The following IMPG1 variants were observed in gnomAD, a reference collection of about 807,000 sequenced individuals.
IMPG1 encodes the protein interphotoreceptor matrix proteoglycan of 150 kDa.
In IMPG1, 85 loss-of-function variants were observed where a neutral mutation model predicts 92.0. That is an observed-to-expected ratio of 0.92 (90% CI 0.78 to 1.11). The LOEUF is 1.11. IMPG1 is among the 50% of genes least tolerant of loss of function. The pLI, the probability that IMPG1 is intolerant of heterozygous loss-of-function variation, is 0.00. For missense variants in IMPG1, 1,022 were observed against 956.0 expected, an observed-to-expected ratio of 1.07 and a Z score of -0.91; for synonymous variants, 367 against 334.1, an observed-to-expected ratio of 1.10 and a Z score of -1.08.
rs1275466811 is a variant in IMPG1, at chr6:75,974,371, C to CT, written c.1292-23278dup. On this transcript the variant is annotated intron_variant, in intron 12 of 16. Transcript: ENST00000369950. ...TCTTTCTTTCTTTCTTTCTTTCTTT[C>CT]TTTCTTTCTTTCTTTCTTTCTTTTC... Among the ~76,000 whole-genome samples, 562 of 89,244 alleles carry CT rather than the reference C, an allele frequency of 6.3e-3. 11 individuals carry two copies. The highest frequency in any genetic ancestry group is 0.022 in the East Asian group (55 of 2,490). 58.5% of individuals were successfully genotyped at this position (89,244 alleles called of 152,430 possible).
intron 1 of IMPG1, among the ~76,000 whole-genome samples, chr6:76,067,894 A>G (rs1000193875): frequency 7.2e-5 from 11 of 152,220 alleles, no homozygotes; most frequent in African/African-American, 2.7e-4. Flanking sequence ...TATACAAATC[A>G]ATAAATGTGA....
intron 1 of IMPG1, among the ~76,000 whole-genome samples, chr6:76,063,891 C>T (rs1784254602): frequency 6.6e-6 from 1 of 152,188 alleles, no homozygotes; most frequent in Non-Finnish European, 1.5e-5. Context: ...TGTGTGCTTT[C>T]TGGTGCTCAA....
intron 14 of IMPG1, among the ~76,000 whole-genome samples, chr6:75,932,159 C>A (rs1017969150): frequency 6.6e-6 from 1 of 152,232 alleles, no homozygotes; most frequent in African/African-American, 2.4e-5. Flanking sequence ...GGGGAAAATG[C>A]GTACAGATAA....
At chr6:75,980,987 C>A (rs1406196031) in intron 12 of IMPG1, among the ~76,000 whole-genome samples, 1 of 152,106 alleles carries the variant, frequency 6.6e-6, no homozygotes, top group East Asian at 1.9e-4. Flanking sequence ...CTGGGGGATT[C>A]TGATTCATGG....
At chr6:75,995,693 A>C (rs1782887064) in intron 12 of IMPG1, among the ~76,000 whole-genome samples, 1 of 152,228 alleles carries the variant, frequency 6.6e-6, no homozygotes, top group Non-Finnish European at 1.5e-5. Flanking sequence ...TTCTCTATGC[A>C]TATATATTCC....
At chr6:75,932,813 G>T (rs1781686659) in intron 14 of IMPG1, among the ~76,000 whole-genome samples, 1 of 151,824 alleles carries the variant, frequency 6.6e-6, no homozygotes, top group Non-Finnish European at 1.5e-5. Context: ...CGATTCTCCT[G>T]CCTCAGCCTC....
At chr6:75,941,013 C>A (rs1468194973) in intron 14 of IMPG1, among the ~76,000 whole-genome samples, 1 of 152,194 alleles carries the variant, frequency 6.6e-6, no homozygotes, top group Non-Finnish European at 1.5e-5. Flanking sequence ...CATAAGATTT[C>A]TTTCTGCTGA....
At chr6:76,017,972 C>T (rs111768329) in intron 7 of IMPG1, among the ~76,000 whole-genome samples, 4 of 152,022 alleles carry the variant, frequency 2.6e-5, no homozygotes, top group Non-Finnish European at 5.9e-5. Flanking sequence ...AGGCTGGTAT[C>T]GAATTCCTGA....
At chr6:75,971,527 T>C (rs771855480) in intron 12 of IMPG1, among the ~76,000 whole-genome samples, 1 of 152,208 alleles carries the variant, frequency 6.6e-6, no homozygotes, top group Non-Finnish European at 1.5e-5. Context: ...GAAATGACAG[T>C]TAACTCTTAG....
At position 76,035,623 on chromosome 6, in the gene IMPG1, C is replaced by T. The variant is rs537568430; in HGVS notation, c.302-836G>A. On this transcript the variant is annotated intron_variant, in intron 2 of 16. Coordinates refer to ENST00000369950, the MANE Select transcript of IMPG1 (RefSeq NM_001563.4). ...CCCCTGGCTGTCCTTGAAGACTTTCCAAGTGATGAGCAGGCACACAATATT... is the reference window on the plus strand; with the variant it reads ...CCCCTGGCTGTCCTTGAAGACTTTCTAAGTGATGAGCAGGCACACAATATT... 2.5e-4 allele frequency among the ~76,000 whole-genome samples: 38 copies of T among 151,918 alleles called. 1 individual carries two copies. In the East Asian group the frequency reaches 6.0e-3, roughly 24 times the overall value.
intron 4 of IMPG1, among the ~76,000 whole-genome samples, chr6:76,033,258 C>G (rs1783681886): frequency 6.6e-6 from 1 of 152,196 alleles, no homozygotes; most frequent in Non-Finnish European, 1.5e-5. Context: ...TGCCAGCATT[C>G]TCTTCTCTCT....
At chr6:75,935,014 C>A (rs1264849436) in intron 14 of IMPG1, 1 of 470,872 alleles carries the variant, frequency 2.1e-6, no homozygotes, top group East Asian at 6.9e-5. Flanking sequence ...CAGGCTTCAC[C>A]TGGGCTGGCT....
intron 12 of IMPG1, among the ~76,000 whole-genome samples, chr6:75,979,977 G>A (rs764614901): frequency 3.9e-5 from 6 of 152,188 alleles, no homozygotes; most frequent in Non-Finnish European, 5.9e-5. Flanking sequence ...TTGAAAAAAG[G>A]ATGAGAAATG....
chr6:76,027,894 T>C (rs2149485780), intron 4 of IMPG1, among the ~76,000 whole-genome samples: 2 of 152,350 alleles, frequency 1.3e-5, no homozygotes, highest in South Asian at 2.1e-4. Context: ...TTTAAAAGGC[T>C]TCTCAAAATC....
chr6:75,944,355 T>G (rs1457324774), intron 14 of IMPG1, among the ~76,000 whole-genome samples: 4 of 152,228 alleles, frequency 2.6e-5, no homozygotes, highest in Non-Finnish European at 5.9e-5. Flanking sequence ...TTAGGAACCA[T>G]GCTGGATATT....
chr6:76,026,681 A>G (rs1230625430), intron 4 of IMPG1, among the ~76,000 whole-genome samples: 1 of 152,354 alleles, frequency 6.6e-6, no homozygotes, highest in East Asian at 1.9e-4. Flanking sequence ...CATAAGAGTA[A>G]GAGGTTCTTC....
At chr6:75,953,328 T>C (rs1782065873) in intron 12 of IMPG1, among the ~76,000 whole-genome samples, 1 of 152,318 alleles carries the variant, frequency 6.6e-6, no homozygotes, top group Non-Finnish European at 1.5e-5. Flanking sequence ...GTAGGTGTGT[T>C]ACACAGGTAT....
At chr6:75,976,914 A>C (rs1782546225) in intron 12 of IMPG1, among the ~76,000 whole-genome samples, 1 of 152,040 alleles carries the variant, frequency 6.6e-6, no homozygotes. Flanking sequence ...CGTCTTAAAA[A>C]AAAAAAAAAA....
chr6:76,022,990 G>A lies in IMPG1; in HGVS notation c.563-771C>T, dbSNP rs149009502. ...TAGAAAACAAGATATACTGAAAAAT[G>A]ATTCAATCTTTCCTTACTCCCTGAA... On this transcript the variant is annotated intron_variant, in intron 5 of 16. Transcript: ENST00000369950. Among the ~76,000 whole-genome samples, 517 of 152,274 alleles carry A rather than the reference G, an allele frequency of 3.4e-3. 6 individuals carry two copies. The highest frequency in any genetic ancestry group is 3.0e-3 in the Non-Finnish European group (206 of 68,014).
Sources: gnomAD v4.1 joint callset for allele counts (sites outside exome capture counted in the v4.1 genomes callset) on GRCh38, gnomAD v4.1.1 for gene constraint, MANE v1.5 for transcripts, NCBI Gene and HGNC (gene_info 2026-07-23, HGNC 2026-07-21) for gene names.